The following RBFOX1 variants were observed in gnomAD, a reference collection of about 807,000 sequenced individuals.
The protein encoded by RBFOX1 is RNA binding protein fox-1 homolog 1.
RBFOX1 carries 8 observed loss-of-function variants against 57.7 expected under a neutral mutation model. That is an observed-to-expected ratio of 0.14 (90% CI 0.08 to 0.25). RBFOX1 has a LOEUF of 0.25. Ranked by LOEUF, RBFOX1 falls within the 10% of genes least tolerant of loss-of-function variation. The pLI, the probability that RBFOX1 is intolerant of heterozygous loss-of-function variation, is 1.00. For missense variants in RBFOX1, 611 were observed against 548.5 expected, an observed-to-expected ratio of 1.11 and a Z score of -1.14; for synonymous variants, 326 against 222.4, an observed-to-expected ratio of 1.47 and a Z score of -4.15.
chr16:6,253,172 A>G (rs912308956), intron 1 of RBFOX1, among the ~76,000 whole-genome samples: 1 of 152,186 alleles, frequency 6.6e-6, no homozygotes, highest in Non-Finnish European at 1.5e-5. Context: ...TACAGGTCTC[A>G]TCTAACTCCA....
At chr16:5,598,819 T>A in intron 2 of RBFOX1, 2 of 1,074,392 alleles carry the variant, frequency 1.9e-6, no homozygotes, top group Non-Finnish European at 2.6e-6. Context: ...TGGGTTGTGC[T>A]AAACTGGGTT....
chr16:6,778,305 T>C (rs1471838264), intron 3 of RBFOX1, among the ~76,000 whole-genome samples: 3 of 152,140 alleles, frequency 2.0e-5, no homozygotes, highest in Non-Finnish European at 2.9e-5. Context: ...AAGTAGAGAA[T>C]AGTAACATGA....
rs983170959 is a variant in RBFOX1, at chr16:7,629,202, CAG to C, written c.677-1400_677-1399del. Among the ~76,000 whole-genome samples, 12 of 152,228 alleles carry C rather than the reference CAG, an allele frequency of 7.9e-5. No individual in the cohort carries two copies. The East Asian group carries it at 9.7e-4, about 12-fold the overall frequency. On this transcript the variant is annotated intron_variant, in intron 10 of 15. Coordinates refer to ENST00000550418, the MANE Select transcript of RBFOX1 (RefSeq NM_018723.4). ...GTGGATGGAGTTGTCAGACCGGTAA[CAG>C]GGGAAGAGTGAGATGGGTTAGAAAG... is the stretch of plus-strand genomic sequence containing the variant.
chr16:7,271,707 T>C (rs889724281), intron 4 of RBFOX1, among the ~76,000 whole-genome samples: 6 of 152,098 alleles, frequency 3.9e-5, no homozygotes, highest in African/African-American at 1.2e-4. Context: ...AAAGGAAATA[T>C]TTCATGGGGG....
intron 3 of RBFOX1, among the ~76,000 whole-genome samples, chr16:5,723,043 A>C (rs1022583481): frequency 2.0e-5 from 3 of 152,208 alleles, no homozygotes; most frequent in African/African-American, 7.2e-5. Flanking sequence ...CAAATCCATC[A>C]CAAACTGCTT....
intron 2 of RBFOX1, among the ~76,000 whole-genome samples, chr16:6,324,959 G>A (rs2082207358): frequency 6.6e-6 from 1 of 152,100 alleles, no homozygotes; most frequent in Admixed American, 6.6e-5. Flanking sequence ...AGCTAAATTA[G>A]GTTTGCAACT....
intron 2 of RBFOX1, among the ~76,000 whole-genome samples, chr16:6,433,832 C>G (rs2094161709): frequency 6.7e-6 from 1 of 148,326 alleles, no homozygotes; most frequent in South Asian, 2.1e-4. Flanking sequence ...TAGCTCCAAC[C>G]TCTTTTCATT....
chr16:6,958,615 G>C (rs1179359991), intron 3 of RBFOX1, among the ~76,000 whole-genome samples: 1 of 152,198 alleles, frequency 6.6e-6, no homozygotes, highest in African/African-American at 2.4e-5. Flanking sequence ...CGCACGCTCA[G>C]AGTAGGGATG....
At chr16:6,750,260 G>A (rs982518606) in intron 3 of RBFOX1, among the ~76,000 whole-genome samples, 3 of 152,172 alleles carry the variant, frequency 2.0e-5, no homozygotes, top group African/African-American at 7.2e-5. Context: ...ATCAATAGCT[G>A]TTAAGTCATT....
At chr16:5,899,985 G>A (rs1047412906) in intron 4 of RBFOX1, among the ~76,000 whole-genome samples, 4 of 152,162 alleles carry the variant, frequency 2.6e-5, no homozygotes, top group African/African-American at 9.7e-5. Flanking sequence ...GGCTGAGATG[G>A]GAGGATTGCT....
At chr16:5,396,727 C>G (rs567785261) in intron 1 of RBFOX1, among the ~76,000 whole-genome samples, 1 of 152,166 alleles carries the variant, frequency 6.6e-6, no homozygotes, top group East Asian at 1.9e-4. Flanking sequence ...TCATCTGTAT[C>G]GTGGCTTAAC....
intron 2 of RBFOX1, among the ~76,000 whole-genome samples, chr16:6,574,890 TTGGCAGGCGTGG>T (rs1305911429): frequency 4.7e-5 from 7 of 150,312 alleles, no homozygotes; most frequent in African/African-American, 1.2e-4. Flanking sequence ...TACAAAAAAT[TTGGCAGGCGTGG>T]TGGCGGGCGC....
At chr16:6,567,444 C>G (rs145949762) in intron 2 of RBFOX1, among the ~76,000 whole-genome samples, 148 of 152,300 alleles carry the variant, frequency 9.7e-4, no homozygotes, top group Admixed American at 1.6e-3. Flanking sequence ...TGATTCAGGA[C>G]TCTTCTCAAA....
intron 4 of RBFOX1, among the ~76,000 whole-genome samples, chr16:7,223,126 A>T (rs1221187028): frequency 6.6e-6 from 1 of 152,224 alleles, no homozygotes; most frequent in Non-Finnish European, 1.5e-5. Context: ...GTAGCTCACC[A>T]CATCTACAAG....
intron 2 of RBFOX1, among the ~76,000 whole-genome samples, chr16:6,586,353 A>G (rs1187630754): frequency 6.6e-6 from 1 of 152,210 alleles, no homozygotes; most frequent in East Asian, 1.9e-4. Context: ...AAATGAGCAA[A>G]ACCAGCAGCA....
chr16:6,652,831 G>C (rs2098607519), intron 2 of RBFOX1, among the ~76,000 whole-genome samples: 1 of 152,078 alleles, frequency 6.6e-6, no homozygotes, highest in Admixed American at 6.6e-5. Flanking sequence ...GATGGAGGGT[G>C]GTGATGGTTG....
chr16:6,172,114 C>G (rs1321780313), intron 1 of RBFOX1, among the ~76,000 whole-genome samples: 1 of 152,086 alleles, frequency 6.6e-6, no homozygotes, highest in African/African-American at 2.4e-5. Context: ...AGCCACCGAG[C>G]CCAGCTAGCT....
At chr16:7,202,861 T>C (rs1258099994) in intron 4 of RBFOX1, among the ~76,000 whole-genome samples, 1 of 152,136 alleles carries the variant, frequency 6.6e-6, no homozygotes, top group African/African-American at 2.4e-5. Context: ...GCCAAAAAGG[T>C]TGGGGTCTGC....
At chr16:7,483,395 C>T (rs1342828636) in intron 4 of RBFOX1, among the ~76,000 whole-genome samples, 1 of 152,204 alleles carries the variant, frequency 6.6e-6, no homozygotes, top group Non-Finnish European at 1.5e-5. Flanking sequence ...AGATTCATTT[C>T]CCTTACTTGT....
Sources: allele counts gnomAD v4.1 joint callset (sites outside exome capture counted in the v4.1 genomes callset), GRCh38; gene constraint gnomAD v4.1.1; transcripts MANE v1.5; gene names NCBI Gene and HGNC (gene_info 2026-07-23, HGNC 2026-07-21).